Variants in IL6ST observed in about 807,000 individuals in gnomAD.
IL6ST encodes the protein interleukin 6 cytokine family signal transducer.
Under a neutral mutation model 91.3 loss-of-function variants are expected in IL6ST, and 24 were observed. The observed-to-expected ratio is 0.26, with a 90% CI of 0.19 to 0.37. The LOEUF is 0.37. Ranked by LOEUF, IL6ST falls within the 10% of genes least tolerant of loss-of-function variation. IL6ST has a pLI of 1.00. For missense variants in IL6ST, 914 were observed against 1,078.5 expected, an observed-to-expected ratio of 0.85 and a Z score of 2.14; for synonymous variants, 351 against 373.6, an observed-to-expected ratio of 0.94 and a Z score of 0.70.
chr5:55,975,539 A>C (rs1187871599), intron 3 of IL6ST, among the ~76,000 whole-genome samples: 2 of 152,082 alleles, frequency 1.3e-5, no homozygotes, highest in Non-Finnish European at 2.9e-5. Flanking sequence ...TACTTGGCTA[A>C]TTAAAAAAAA....
chr5:55,988,466 T>C (rs1426833495), intron 1 of IL6ST, among the ~76,000 whole-genome samples: 1 of 151,780 alleles, frequency 6.6e-6, no homozygotes, highest in Non-Finnish European at 1.5e-5. Context: ...AAACAAAACA[T>C]CATCAAAAAA....
At chr5:55,994,417 T>C (rs529025429) in intron 1 of IL6ST, among the ~76,000 whole-genome samples, 6 of 152,054 alleles carry the variant, frequency 3.9e-5, no homozygotes, top group South Asian at 2.1e-4. Context: ...TGAAGACAAG[T>C]GCGGAGCGAA....
chr5:55,985,532 AAT>A (rs1554028637), intron 1 of IL6ST, among the ~76,000 whole-genome samples: 1 of 151,790 alleles, frequency 6.6e-6, no homozygotes, highest in African/African-American at 2.4e-5. Flanking sequence ...AAAAAAAAAA[AAT>A]ATAAAAAATA....
chr5:55,947,392 A>AT, intron 15 of IL6ST, 101 bp downstream of exon 15: 1 of 708,954 alleles, frequency 1.4e-6, no homozygotes, highest in Non-Finnish European at 2.5e-6. Context: ...AATTACAAAA[A>AT]TTCATCAAAC....
At chr5:55,968,731 T>C (rs1752781950) in intron 4 of IL6ST, among the ~76,000 whole-genome samples, 1 of 152,216 alleles carries the variant, frequency 6.6e-6, no homozygotes, top group African/African-American at 2.4e-5. Context: ...TATATACATA[T>C]GTTTGTAAGA....
intron 1 of IL6ST, among the ~76,000 whole-genome samples, chr5:55,987,300 A>T (rs946664207): frequency 6.6e-6 from 1 of 152,246 alleles, no homozygotes; most frequent in African/African-American, 2.4e-5. Flanking sequence ...GAAAAGTCTA[A>T]ATAGATTTGA....
chr5:55,944,582 T>C (rs946192355), intron 15 of IL6ST: 15 of 557,524 alleles, frequency 2.7e-5, no homozygotes, highest in African/African-American at 1.2e-4. Flanking sequence ...GGTTCACGGA[T>C]TGAAAGACTC....
At chr5:55,973,286 C>T (rs1325578111) in intron 3 of IL6ST, among the ~76,000 whole-genome samples, 3 of 152,154 alleles carry the variant, frequency 2.0e-5, no homozygotes, top group Admixed American at 6.5e-5. Context: ...TACGATGTCA[C>T]GCATACTCTT....
intron 15 of IL6ST, among the ~76,000 whole-genome samples, chr5:55,944,113 C>T (rs1296572710): frequency 6.6e-6 from 1 of 152,058 alleles, no homozygotes; most frequent in Non-Finnish European, 1.5e-5. Flanking sequence ...AAAACTTCAA[C>T]CTACAGCTAA....
intron 1 of IL6ST, among the ~76,000 whole-genome samples, chr5:55,993,353 G>A (rs1376165174): frequency 1.3e-5 from 2 of 152,178 alleles, no homozygotes; most frequent in Non-Finnish European, 2.9e-5. Flanking sequence ...CTCTATAAAG[G>A]GGACATTTTA....
chr5:55,973,135 T>TA (rs1241810206), intron 3 of IL6ST, among the ~76,000 whole-genome samples: 5 of 152,208 alleles, frequency 3.3e-5, no homozygotes, highest in South Asian at 4.1e-4. Flanking sequence ...TACCCATATA[T>TA]AAAAAAACTG....
chr5:55,968,157 G>T, intron 5 of IL6ST, 119 bp downstream of exon 5: 1 of 955,502 alleles, frequency 1.0e-6, no homozygotes, highest in Non-Finnish European at 1.5e-6. Flanking sequence ...AAATGTTACA[G>T]AATAAAAAAT....
chr5:55,980,897 T>A (rs1420378079), intron 2 of IL6ST, among the ~76,000 whole-genome samples: 4 of 152,162 alleles, frequency 2.6e-5, no homozygotes, highest in South Asian at 2.1e-4. Context: ...GCTAATTTTT[T>A]AAAAATTTTT....
rs187312788 is a variant in IL6ST, at chr5:55,939,443, T to C, written c.*1639A>G. 5.4e-5 allele frequency: 11 copies of C among 204,316 alleles called. No individual in the cohort carries two copies. In the East Asian group the frequency reaches 6.8e-4, roughly 13 times the overall value. 12.7% of individuals were successfully genotyped at this position (204,316 alleles called of 1,614,324 possible). On this transcript the variant is annotated 3_prime_UTR_variant, in exon 17 of 17. Transcript: ENST00000381298. The stretch of plus-strand genomic sequence containing the variant: ...AAGAATATAAAAGATAAACAGGAAG[T>C]CTAATGTGAACAATATTCTGAGAGT...
At chr5:55,964,924 C>G (rs1481076990) in intron 5 of IL6ST, among the ~76,000 whole-genome samples, 1 of 151,700 alleles carries the variant, frequency 6.6e-6, no homozygotes, top group Admixed American at 6.6e-5. Context: ...CAAATTGAAC[C>G]AAAACAAAAA....
chr5:55,985,374 G>A (rs1041252844), intron 1 of IL6ST, among the ~76,000 whole-genome samples: 7 of 151,790 alleles, frequency 4.6e-5, no homozygotes, highest in Admixed American at 2.6e-4. Context: ...AAAATTAGCC[G>A]GGTGTGGTGG....
chr5:55,952,032 T>G lies in IL6ST; in HGVS notation c.1596A>C (p.Lys532Asn). 1 of 1,613,636 alleles carries G rather than the reference T, an allele frequency of 6.2e-7. No individual in the cohort carries two copies. The highest frequency in any genetic ancestry group is 1.3e-5 in the African/African-American group (1 of 75,038). The change falls in exon 13 of 17, where the codon AAA (lysine) becomes AAC (asparagine). Residue 532 changes from lysine (K) to asparagine (N), a missense_variant. Coordinates refer to ENST00000381298, the MANE Select transcript of IL6ST (RefSeq NM_002184.4). ...GGTCCCACTCTAAGACAGCTTCGTT[T>G]TTCCCTACTTTTTTTGTCCGAACAG... is the stretch of plus-strand genomic sequence containing the variant. The part of the protein sequence containing the change: ...GPTVRTKKVG[K>N]NEAVLEWDQL...
Position 55,940,125 on chromosome 5 carries a change from A to ATGTGTGTGTATG in IL6ST, c.*956_*957insCATACACACACA, listed in dbSNP as rs1432708421. On this transcript the variant is annotated 3_prime_UTR_variant, in exon 17 of 17. Transcript: ENST00000381298. ...TGAAGTCTTAAGAAAAGTCAATGAT[A>ATGTGTGTGTATG]TGTGTGTGTATATATATATATATAT... 1.1e-5 allele frequency: 2 copies of ATGTGTGTGTATG among 183,436 alleles called. No individual in the cohort carries two copies. The highest frequency in any genetic ancestry group is 1.1e-5 in the Non-Finnish European group (1 of 93,628). 11.4% of individuals were successfully genotyped at this position (183,436 alleles called of 1,614,324 possible).
At chr5:55,953,546 C>T (rs9292105) in intron 11 of IL6ST, among the ~76,000 whole-genome samples, 12,939 of 152,250 alleles carry the variant, frequency 0.085, 1,854 homozygotes, top group African/African-American at 0.29. Context: ...TGTGCCACCA[C>T]GCCTAGCTGA....
Sources: gnomAD v4.1 joint callset for allele counts (sites outside exome capture counted in the v4.1 genomes callset) on GRCh38, gnomAD v4.1.1 for gene constraint, MANE v1.5 for transcripts, NCBI Gene and HGNC (gene_info 2026-07-23, HGNC 2026-07-21) for gene names.